Variants in ANXA4 observed in about 807,000 individuals in gnomAD.
ANXA4 encodes annexin A4.
In ANXA4, 39 loss-of-function variants were observed where a neutral mutation model predicts 49.8. That is an observed-to-expected ratio of 0.78 (90% confidence interval 0.61 to 1.02). ANXA4 has a LOEUF of 1.02. Ranked by LOEUF, ANXA4 falls within the 50% of genes least tolerant of loss-of-function variation. The pLI is 0.00. For synonymous variants in ANXA4, 134 were observed against 152.5 expected (o/e 0.88, Z 0.89); for missense variants, 360 against 410.1 (o/e 0.88, Z 1.05).
intron 3 of ANXA4, among the ~76,000 whole-genome samples, chr2:69,788,554 G>A (rs1672517443): frequency 6.6e-6 from 1 of 150,802 alleles, no homozygotes. Flanking sequence ...AAGAAAGAAA[G>A]AGGCTGGGCA....
chr2:69,747,214 C>T (rs540952981), intron 1 of ANXA4, among the ~76,000 whole-genome samples: 7 of 152,062 alleles, frequency 4.6e-5, no homozygotes, highest in African/African-American at 1.2e-4. Flanking sequence ...CTCACCTCCC[C>T]GCCACCCCAG....
At chr2:69,763,662 C>CTT (rs58726825) in intron 1 of ANXA4, among the ~76,000 whole-genome samples, 2,254 of 136,610 alleles carry the variant, frequency 0.016, 38 homozygotes, top group East Asian at 0.081. Flanking sequence ...GGACATAATA[C>CTT]TTTTTTTTTT....
intron 2 of ANXA4, among the ~76,000 whole-genome samples, chr2:69,664,826 G>A (rs1211156906): frequency 5.9e-5 from 9 of 152,210 alleles, no homozygotes; most frequent in African/African-American, 2.2e-4. Context: ...ATGTTGGCCA[G>A]GCGCAGTGGC....
chr2:69,730,166 C>T (rs374450204), intron 3 of ANXA4, among the ~76,000 whole-genome samples: 6 of 151,890 alleles, frequency 4.0e-5, no homozygotes, highest in Middle Eastern at 3.4e-3. Flanking sequence ...ATAGTGAGAC[C>T]GCACCTCTAC....
At chr2:69,671,025 C>CAAAAAAA (rs762968256) in intron 2 of ANXA4, among the ~76,000 whole-genome samples, 3 of 32,544 alleles carry the variant, frequency 9.2e-5, no homozygotes, top group Non-Finnish European at 1.3e-4. Context: ...GACTCCATCT[C>CAAAAAAA]AAAAAAAAAA....
At chr2:69,807,703 A>G (rs1673504680) in intron 5 of ANXA4, among the ~76,000 whole-genome samples, 1 of 152,220 alleles carries the variant, frequency 6.6e-6, no homozygotes, top group Non-Finnish European at 1.5e-5. Flanking sequence ...TAAACAGCCT[A>G]GAAATGTTTG....
rs140922907 is a variant in ANXA4 at position 69,807,311 on chromosome 2, T to C, written c.307-595T>C. ...ACTTTAGGGGCCTCCAGGTCTACTA[T>C]AGGCTTACTTCTGGCAAAAGAGTTC... On this transcript the variant is annotated intron_variant, in intron 5 of 12. Transcript: ENST00000394295. 2.2e-4 allele frequency among the ~76,000 whole-genome samples: 34 copies of C among 152,258 alleles called. No homozygotes were observed. In the East Asian group the frequency reaches 6.6e-3, roughly 29 times the overall value.
chr2:69,713,590 A>C (rs1678753586), intron 2 of ANXA4: 1 of 152,236 alleles, frequency 6.6e-6, no homozygotes, highest in Non-Finnish European at 1.5e-5. Context: ...AGACTTTAAC[A>C]TTCAGTCCAG....
chr2:69,772,001 G>A (rs530464302), intron 1 of ANXA4, among the ~76,000 whole-genome samples: 18 of 152,230 alleles, frequency 1.2e-4, no homozygotes, highest in East Asian at 5.8e-4. Context: ...AGCCCTAGTC[G>A]TAGAGTTCAG....
chr2:69,775,961 T>TTTATTTA (rs376392856), intron 1 of ANXA4, among the ~76,000 whole-genome samples: 5,658 of 104,548 alleles, frequency 0.054, 368 homozygotes, highest in African/African-American at 0.15. Flanking sequence ...TTTATTTTTA[T>TTTATTTA]TTTATTTATT....
At chr2:69,740,858 T>G (rs1276975085), upstream of ANXA4, among the ~76,000 whole-genome samples, 1,557 of 141,434 alleles carry the variant, frequency 0.011, 35 homozygotes, top group African/African-American at 0.04. Flanking sequence ...TATATATGTT[T>G]TTTTTTTTTT....
chr2:69,777,655 G>T (rs1573237429), intron 1 of ANXA4, among the ~76,000 whole-genome samples: 1 of 152,230 alleles, frequency 6.6e-6, no homozygotes, highest in African/African-American at 2.4e-5. Flanking sequence ...CAATGCTTTT[G>T]TCCATCCTTC....
intron 2 of ANXA4, among the ~76,000 whole-genome samples, chr2:69,701,881 T>A (rs1287930154): frequency 2.6e-5 from 4 of 152,188 alleles, no homozygotes; most frequent in Non-Finnish European, 5.9e-5. Flanking sequence ...TTTCTTTTTC[T>A]TAGTAATTTG....
intron 1 of ANXA4, among the ~76,000 whole-genome samples, chr2:69,748,993 G>A (rs1174805601): frequency 3.3e-5 from 5 of 152,072 alleles, no homozygotes; most frequent in Admixed American, 1.3e-4. Flanking sequence ...GATTACATGC[G>A]TGCACCACTG....
intron 2 of ANXA4, among the ~76,000 whole-genome samples, chr2:69,677,650 G>C (rs1677455668): frequency 6.6e-6 from 1 of 152,132 alleles, no homozygotes; most frequent in Admixed American, 6.6e-5. Flanking sequence ...TACCCTAATG[G>C]ATGGCACTTT....
chr2:69,694,838 C>T (rs921921510), intron 2 of ANXA4, among the ~76,000 whole-genome samples: 4 of 152,058 alleles, frequency 2.6e-5, no homozygotes, highest in Non-Finnish European at 5.9e-5. Context: ...GTTGCCCAGG[C>T]TGGTCTCAAA....
At chr2:69,818,542 A>G in intron 9 of ANXA4, 57 bp from the exon 10 acceptor site, 1 of 1,143,496 alleles carries the variant, frequency 8.7e-7, no homozygotes, top group Non-Finnish European at 1.3e-6. Flanking sequence ...TCTCTCCATA[A>G]ATTTTAGTTT....
chr2:69,728,886 A>G (rs566619863), intron 3 of ANXA4, among the ~76,000 whole-genome samples: 46 of 152,340 alleles, frequency 3.0e-4, no homozygotes, highest in Non-Finnish European at 6.0e-4. Flanking sequence ...CAGTTTCTAT[A>G]TACATACCTC....
chr2:69,807,449 A>G (rs974247196), intron 5 of ANXA4, among the ~76,000 whole-genome samples: 10 of 152,290 alleles, frequency 6.6e-5, no homozygotes, highest in African/African-American at 2.4e-4. Flanking sequence ...GTTCTACTTA[A>G]AAATTTTCAG....
Sources: gnomAD v4.1 joint callset for allele counts (sites outside exome capture counted in the v4.1 genomes callset) on GRCh38, gnomAD v4.1.1 for gene constraint, MANE v1.5 for transcripts, NCBI Gene and HGNC (gene_info 2026-07-23, HGNC 2026-07-21) for gene names.